DAB2IP: variants seen among roughly 807,000 people sequenced by gnomAD.
DAB2IP encodes DAB2 interacting protein.
In DAB2IP, 28 loss-of-function variants were observed where a neutral mutation model predicts 107.2. That is an observed-to-expected ratio of 0.26 (90% CI 0.19 to 0.36). The LOEUF (loss-of-function observed/expected upper bound fraction) is 0.36. Ranked by LOEUF, DAB2IP falls within the 10% of genes least tolerant of loss-of-function variation. DAB2IP has a pLI of 1.00. For synonymous variants in DAB2IP, 755 were observed against 706.4 expected, an observed-to-expected ratio of 1.07 and a Z score of -1.09; for missense variants, 1,400 against 1,644.7, an observed-to-expected ratio of 0.85 and a Z score of 2.57.
At chr9:121,744,875 G>A (rs182043551) in intron 3 of DAB2IP, among the ~76,000 whole-genome samples, 23 of 152,338 alleles carry the variant, frequency 1.5e-4, no homozygotes, top group Non-Finnish European at 2.5e-4. Context: ...TGAGCCAGGC[G>A]TAGACGGATA....
chr9:121,770,858 C>G, intron 11 of DAB2IP, 134 bp downstream of exon 11: 2 of 1,241,080 alleles, frequency 1.6e-6, no homozygotes, highest in South Asian at 1.5e-5. Context: ...TTGAGTTGTA[C>G]AGGTCCTAAG....
intron 3 of DAB2IP, among the ~76,000 whole-genome samples, chr9:121,723,168 C>T (rs1199145290): frequency 6.6e-6 from 1 of 152,194 alleles, no homozygotes; most frequent in African/African-American, 2.4e-5. Flanking sequence ...GTCTGTGGCT[C>T]TGGAAGGAAG....
chr9:121,765,337 C>T (rs555753887), intron 8 of DAB2IP, among the ~76,000 whole-genome samples: 5 of 152,376 alleles, frequency 3.3e-5, no homozygotes, highest in East Asian at 3.9e-4. Context: ...ATAGATGTCA[C>T]CACTCAACAC....
In DAB2IP at chr9:121,760,284, A is replaced by G; in HGVS notation, c.1015A>G (p.Ile339Val). The G allele has an allele frequency of 6.2e-7, 1 of 1,613,844 alleles. No homozygotes were observed. The highest frequency in any genetic ancestry group is 8.5e-7 in the Non-Finnish European group (1 of 1,179,994). ...CAAGGCGCGCTACCAAACCATCACC[A>G]TCCTGCCCATGGAGATGTACAAAGA... is the stretch of plus-strand genomic sequence containing the variant. Residue 339 changes from isoleucine (I) to valine (V), a missense_variant, in exon 6 of 16, where the codon ATC (isoleucine) becomes GTC (valine). Coordinates refer to ENST00000408936, the Ensembl canonical transcript of DAB2IP. The surrounding 1 kb of genome is among the most constrained non-coding windows in gnomAD (Gnocchi z 5.9).
chr9:121,656,983 T>G (rs544854206), intron 1 of DAB2IP, among the ~76,000 whole-genome samples: 1 of 152,292 alleles, frequency 6.6e-6, no homozygotes, highest in South Asian at 2.1e-4. Context: ...CTTCACTGGG[T>G]GTTCATGGCA....
exon 16 of DAB2IP, chr9:121,783,636 G>A (rs1835813256): frequency 2.0e-6 from 3 of 1,517,888 alleles, no homozygotes; most frequent in Non-Finnish European, 2.7e-6. Flanking sequence ...CCTGGAGGAT[G>A]TTAGACTTGC....
At chr9:121,588,604 G>A (rs1248797587) in intron 1 of DAB2IP, among the ~76,000 whole-genome samples, 9 of 68,912 alleles carry the variant, frequency 1.3e-4, no homozygotes, top group Non-Finnish European at 2.4e-4. Flanking sequence ...AAGGGGGAAT[G>A]GGGAAGAGGG....
intron 1 of DAB2IP, among the ~76,000 whole-genome samples, chr9:121,655,468 G>A (rs372662976): frequency 3.9e-5 from 6 of 152,176 alleles, no homozygotes; most frequent in African/African-American, 1.4e-4. Context: ...TTGGGTGCAG[G>A]GGCACATGGA....
intron 2 of DAB2IP, among the ~76,000 whole-genome samples, chr9:121,695,689 G>C (rs1253318217): frequency 2.0e-5 from 3 of 152,092 alleles, no homozygotes; most frequent in East Asian, 1.9e-4. Flanking sequence ...CCTAGGCAAG[G>C]GAGTGATTAT....
At chr9:121,642,025 C>CTTTCTTTCTTTCTTTCTTTCTT (rs1274054146) in intron 1 of DAB2IP, among the ~76,000 whole-genome samples, 8 of 10,874 alleles carry the variant, frequency 7.4e-4, no homozygotes, top group East Asian at 5.9e-3. Context: ...CTCTCTCTCT[C>CTTTCTTTCTTTCTTTCTTTCTT]TCTCTCTTTC....
intron 1 of DAB2IP, among the ~76,000 whole-genome samples, chr9:121,623,785 C>G (rs1831553748): frequency 6.6e-6 from 1 of 152,026 alleles, no homozygotes; most frequent in African/African-American, 2.4e-5. Context: ...CCTCCTGGGT[C>G]CAAGTGATTC....
intron 1 of DAB2IP, among the ~76,000 whole-genome samples, chr9:121,585,635 T>C (rs988094540): frequency 6.6e-6 from 1 of 152,084 alleles, no homozygotes; most frequent in African/African-American, 2.4e-5. Flanking sequence ...GGCAGACAGA[T>C]CGCTTTGAGC....
chr9:121,687,793 TG>T (rs1378144124), intron 2 of DAB2IP, among the ~76,000 whole-genome samples: 1 of 152,120 alleles, frequency 6.6e-6, no homozygotes, highest in Non-Finnish European at 1.5e-5. Context: ...TAGCTGAGGG[TG>T]GCTCCTCTCA....
Position 121,702,263 on chromosome 9 carries a change from A to AT in DAB2IP, c.362+2812dup, listed in dbSNP as rs964898788. On this transcript the variant is annotated intron_variant, in intron 3 of 15. Coordinates refer to ENST00000408936, the Ensembl canonical transcript of DAB2IP. The surrounding 1 kb of genome is among the most constrained non-coding windows in gnomAD (Gnocchi z 4.5). ...GGAAACCAGTTGGTTCTGTGCTGGG[A>AT]TTTTTTTGGCTCCCTGGAAAAGGAG... Among the ~76,000 whole-genome samples, 4 of 151,808 alleles carry AT rather than the reference A, an allele frequency of 2.6e-5. No homozygotes were observed. The highest frequency in any genetic ancestry group is 5.9e-5 in the Non-Finnish European group (4 of 67,998).
rs141920684 is a variant in DAB2IP, at chr9:121,603,216, GGA to G, written c.40+35989_40+35990del. Among the ~76,000 whole-genome samples, 511 of 152,278 alleles carry G rather than the reference GGA, an allele frequency of 3.4e-3. 1 individual carries two copies. The highest frequency in any genetic ancestry group is 0.012 in the African/African-American group (491 of 41,558). On this transcript the variant is annotated intron_variant, in intron 1 of 16. Transcript: ENST00000259371. ...GTTTTCAATCTCCATCCCTTCCCTT[GGA>G]AGACCGCTCTGTGGGCCATTGGGCA...
chr9:121,670,348 C>G (rs140236870), intron 1 of DAB2IP, among the ~76,000 whole-genome samples: 1 of 152,366 alleles, frequency 6.6e-6, no homozygotes, highest in Non-Finnish European at 1.5e-5. Flanking sequence ...TTAAACAACA[C>G]AGGTTTTTAA....
chr9:121,781,945 C>T (rs974108536), intron 15 of DAB2IP, among the ~76,000 whole-genome samples: 1 of 152,176 alleles, frequency 6.6e-6, no homozygotes, highest in Non-Finnish European at 1.5e-5. Flanking sequence ...TGGCCCCAGC[C>T]TCCTTTACTC....
At chr9:121,761,404 C>T (rs1184860554) in intron 6 of DAB2IP, among the ~76,000 whole-genome samples, 1 of 152,190 alleles carries the variant, frequency 6.6e-6, no homozygotes, top group Non-Finnish European at 1.5e-5. Context: ...GGCTGAGGGG[C>T]ACCCTGTGTC....
intron 3 of DAB2IP, among the ~76,000 whole-genome samples, chr9:121,732,054 G>A (rs1213559936): frequency 6.6e-6 from 1 of 152,088 alleles, no homozygotes; most frequent in Non-Finnish European, 1.5e-5. Flanking sequence ...GGGGGGCCAG[G>A]GCTGAGGGGA....
Sources: allele counts gnomAD v4.1 joint callset (sites outside exome capture counted in the v4.1 genomes callset), GRCh38; gene constraint gnomAD v4.1.1; non-coding constraint Gnocchi (gnomAD v3.1); transcripts MANE v1.5; gene names NCBI Gene and HGNC (gene_info 2026-07-23, HGNC 2026-07-21).